Variants in FHIT observed in about 807,000 individuals in gnomAD.
FHIT encodes fragile histidine triad diadenosine triphosphatase, also known as bis(5'-adenosyl)-triphosphatase.
Under a neutral mutation model 17.9 loss-of-function variants are expected in FHIT, and 19 were observed. The observed-to-expected ratio is 1.06, with a 90% CI of 0.74 to 1.56. The LOEUF (loss-of-function observed/expected upper bound fraction) is 1.56. Among genes scored for constraint, FHIT ranks in the 40% most tolerant of loss-of-function variants. The pLI is 0.00. For synonymous variants in FHIT, 81 were observed against 69.7 expected (o/e 1.16, Z -0.81); for missense variants, 248 against 189.2 (o/e 1.31, Z -1.82).
intron 3 of FHIT, among the ~76,000 whole-genome samples, chr3:60,959,424 G>C (rs1709308244): frequency 6.6e-6 from 1 of 152,046 alleles, no homozygotes; most frequent in African/African-American, 2.4e-5. Context: ...ACATTCTTTT[G>C]TATGTTCAAC....
intron 2 of FHIT, among the ~76,000 whole-genome samples, chr3:61,141,463 T>C (rs533970355): frequency 4.6e-5 from 7 of 152,164 alleles, no homozygotes; most frequent in Non-Finnish European, 1.0e-4. Context: ...CTGCCTGTTG[T>C]GGCAATATCA....
chr3:60,475,829 CA>C (rs1330328324), intron 5 of FHIT, among the ~76,000 whole-genome samples: 7 of 152,192 alleles, frequency 4.6e-5, no homozygotes, highest in African/African-American at 1.4e-4. Flanking sequence ...AATCAAAATG[CA>C]GTTGCATAAC....
intron 5 of FHIT, among the ~76,000 whole-genome samples, chr3:60,051,212 T>C (rs573460366): frequency 6.6e-6 from 1 of 152,122 alleles, no homozygotes; most frequent in Non-Finnish European, 1.5e-5. Flanking sequence ...ATGCATAGTG[T>C]TAAAAAAATT....
rs138808659 is a variant in FHIT at position 60,517,142 on chromosome 3, G to A, written c.103+19718C>T. ...CTTAATGACAAAAAGTGGGTGAATA[G>A]TTATAAAGGCTCAAGAGTTAATGTT... is the stretch of plus-strand genomic sequence containing the variant. On this transcript the variant is annotated intron_variant, in intron 5 of 9. Transcript: ENST00000492590. 5.9e-3 allele frequency among the ~76,000 whole-genome samples: 894 copies of A among 152,296 alleles called. 12 individuals are homozygous for A. The highest frequency in any genetic ancestry group is 0.021 in the African/African-American group (852 of 41,556).
intron 3 of FHIT, among the ~76,000 whole-genome samples, chr3:60,925,774 TAA>T (rs1255023141): frequency 6.6e-6 from 1 of 152,086 alleles, no homozygotes; most frequent in East Asian, 1.9e-4. Context: ...GCAAATTGGA[TAA>T]AGAGTCAAGA....
chr3:59,982,753 T>G (rs6771698), intron 7 of FHIT, among the ~76,000 whole-genome samples: 66,569 of 151,964 alleles, frequency 0.44, 15,519 homozygotes, highest in Middle Eastern at 0.54. Context: ...TAGGTACCAA[T>G]AGATAAAAAA....
Position 60,453,058 on chromosome 3 carries a change from C to T in FHIT, c.103+83802G>A, listed in dbSNP as rs560433058. ...AAATGAACACTTCCTTTAGGAAATG[C>T]TAAAACAAAATTAAATACCATTAGA... is the stretch of plus-strand genomic sequence containing the variant. On this transcript the variant is annotated intron_variant, in intron 5 of 9. Transcript: ENST00000492590. Among the ~76,000 whole-genome samples, 8 of 152,218 alleles carry T rather than the reference C, an allele frequency of 5.3e-5. No individual in the cohort carries two copies. In the South Asian group the frequency reaches 1.2e-3, roughly 24 times the overall value.
chr3:60,859,635 G>T (rs964448085), intron 3 of FHIT, among the ~76,000 whole-genome samples: 1 of 149,262 alleles, frequency 6.7e-6, no homozygotes, highest in Non-Finnish European at 1.5e-5. Flanking sequence ...AGAATTTAGA[G>T]CTACAGGATG....
At chr3:61,035,054 T>G (rs1042231140) in intron 3 of FHIT, among the ~76,000 whole-genome samples, 4 of 152,182 alleles carry the variant, frequency 2.6e-5, no homozygotes, top group African/African-American at 9.7e-5. Context: ...AGATCATATA[T>G]TGTATCATTC....
intron 5 of FHIT, among the ~76,000 whole-genome samples, chr3:60,142,187 A>G (rs1364571339): frequency 6.6e-6 from 1 of 152,166 alleles, no homozygotes; most frequent in Non-Finnish European, 1.5e-5. Flanking sequence ...AGCTCAAATC[A>G]TGACTCTGAT....
intron 4 of FHIT, among the ~76,000 whole-genome samples, chr3:60,715,814 T>G (rs186965299): frequency 3.9e-5 from 6 of 152,278 alleles, no homozygotes; most frequent in Admixed American, 3.9e-4. Flanking sequence ...GCATCATTAA[T>G]GAAAATATTA....
chr3:60,331,826 A>G (rs1709991443), intron 5 of FHIT, among the ~76,000 whole-genome samples: 1 of 150,458 alleles, frequency 6.6e-6, no homozygotes. Context: ...AGCCTGGGCA[A>G]CAAGAGCAAA....
chr3:59,901,851 C>T (rs938358164), intron 8 of FHIT, among the ~76,000 whole-genome samples: 17 of 152,052 alleles, frequency 1.1e-4, no homozygotes, highest in South Asian at 2.1e-4. Flanking sequence ...ATTCACAGAA[C>T]GATTATTCAT....
chr3:59,916,470 C>G (rs1009895967), intron 8 of FHIT, among the ~76,000 whole-genome samples: 2 of 152,172 alleles, frequency 1.3e-5, no homozygotes, highest in African/African-American at 4.8e-5. Flanking sequence ...TTAATAAACT[C>G]TCCTTCATAT....
At chr3:61,004,596 C>T (rs998297665) in intron 3 of FHIT, among the ~76,000 whole-genome samples, 49 of 152,268 alleles carry the variant, frequency 3.2e-4, no homozygotes, top group Non-Finnish European at 6.2e-4. Context: ...TCGAGAAGAG[C>T]TATCTGCTTT....
rs181939838 is a variant in FHIT, at chr3:60,311,631, T to C, written c.103+225229A>G. On this transcript the variant is annotated intron_variant, in intron 5 of 9. Transcript: ENST00000492590. ...ACAGTTGTATTTTGTTTGTCTAAAA[T>C]AATGACACATTAGGACCAATGCATA... Among the ~76,000 whole-genome samples, 378 of 152,358 alleles carry C rather than the reference T, an allele frequency of 2.5e-3. 1 individual carries two copies. The highest frequency in any genetic ancestry group is 8.6e-3 in the African/African-American group (357 of 41,600).
At chr3:60,153,642 G>A (rs944060440) in intron 5 of FHIT, among the ~76,000 whole-genome samples, 7 of 152,100 alleles carry the variant, frequency 4.6e-5, no homozygotes, top group African/African-American at 1.7e-4. Flanking sequence ...ATAGAATTAC[G>A]TCCAAAAGTA....
chr3:60,143,111 G>A (rs192247285), intron 5 of FHIT, among the ~76,000 whole-genome samples: 1 of 152,168 alleles, frequency 6.6e-6, no homozygotes, highest in Admixed American at 6.5e-5. Context: ...CCCAGAAAGA[G>A]AGAGTACAGT....
chr3:60,812,098 G>C (rs1402469691), intron 4 of FHIT, among the ~76,000 whole-genome samples: 5 of 151,912 alleles, frequency 3.3e-5, no homozygotes, highest in Non-Finnish European at 5.9e-5. Context: ...TCATGTCACA[G>C]AGTACATGGA....
Sources: gnomAD v4.1 joint callset for allele counts (sites outside exome capture counted in the v4.1 genomes callset) on GRCh38, gnomAD v4.1.1 for gene constraint, MANE v1.5 for transcripts, NCBI Gene and HGNC (gene_info 2026-07-23, HGNC 2026-07-21) for gene names.